KCND3: variants seen among roughly 807,000 people sequenced by gnomAD.
KCND3 encodes the protein potassium voltage-gated channel subfamily D member 3.
In KCND3, 9 loss-of-function variants were observed where a neutral mutation model predicts 51.1. The observed-to-expected ratio is 0.18, with a 90% CI of 0.11 to 0.31. KCND3 has a LOEUF of 0.31. KCND3 is among the 10% of genes least tolerant of loss of function. The probability of loss-of-function intolerance (pLI) is 1.00; values close to 1 mark genes in which losing one functional copy is unlikely to be tolerated. For synonymous variants in KCND3, 349 were observed against 368.0 expected (o/e 0.95, Z 0.59); for missense variants, 526 against 903.8 (o/e 0.58, Z 5.36).
chr1:111,786,912 A>C (rs779763029), intron 3 of KCND3, 32 bp downstream of exon 3: 6 of 1,613,082 alleles, frequency 3.7e-6, no homozygotes, highest in Middle Eastern at 1.8e-4. Context: ...CATCCTTTAC[A>C]CTGCCCCCGC....
chr1:111,838,514 G>A (rs61788810), intron 2 of KCND3, among the ~76,000 whole-genome samples: 5,658 of 152,074 alleles, frequency 0.037, 169 homozygotes, highest in Admixed American at 0.072. Context: ...AAAATTAGCC[G>A]GGCATGGTGG....
chr1:111,920,265 C>T (rs1026419335), intron 2 of KCND3, among the ~76,000 whole-genome samples: 1 of 152,234 alleles, frequency 6.6e-6, no homozygotes, highest in Admixed American at 6.5e-5. Context: ...TGGGCGCCAT[C>T]TGCACGTGAG....
chr1:111,843,236 G>T (rs1273314625), intron 2 of KCND3, among the ~76,000 whole-genome samples: 4 of 152,190 alleles, frequency 2.6e-5, no homozygotes, highest in Non-Finnish European at 5.9e-5. Flanking sequence ...GCTCCTGCAA[G>T]GGACACAGCC....
chr1:111,903,627 C>A (rs914195445), intron 2 of KCND3, among the ~76,000 whole-genome samples: 1 of 152,208 alleles, frequency 6.6e-6, no homozygotes, highest in Non-Finnish European at 1.5e-5. Flanking sequence ...GAAGCCCTCA[C>A]CTGGCATTGG....
intron 2 of KCND3, among the ~76,000 whole-genome samples, chr1:111,980,468 A>G (rs1483949112): frequency 1.3e-5 from 2 of 150,998 alleles, no homozygotes; most frequent in Non-Finnish European, 2.9e-5. Context: ...AAAAACCAAC[A>G]CTATTGCCTC....
At chr1:111,924,879 G>C (rs528830270) in intron 2 of KCND3, among the ~76,000 whole-genome samples, 1 of 152,218 alleles carries the variant, frequency 6.6e-6, no homozygotes, top group Non-Finnish European at 1.5e-5. Context: ...TGGGAGGGAA[G>C]CCAGACCCTG....
chr1:111,815,776 G>A (rs925517765), intron 2 of KCND3, among the ~76,000 whole-genome samples: 1 of 151,884 alleles, frequency 6.6e-6, no homozygotes, highest in Non-Finnish European at 1.5e-5. Context: ...CTATTATCTA[G>A]TTGTGGTTTT....
At chr1:111,782,646 T>C (rs924741409) in intron 3 of KCND3, among the ~76,000 whole-genome samples, 12 of 152,232 alleles carry the variant, frequency 7.9e-5, no homozygotes, top group African/African-American at 2.9e-4. Context: ...GTGTCAAGCT[T>C]ATTATAGTCT....
chr1:111,919,260 G>A (rs765187424), intron 2 of KCND3, among the ~76,000 whole-genome samples: 2 of 150,890 alleles, frequency 1.3e-5, no homozygotes, highest in Non-Finnish European at 2.9e-5. Context: ...GATAAATATA[G>A]GTAACGATAG....
intron 2 of KCND3, among the ~76,000 whole-genome samples, chr1:111,946,835 A>G (rs1257713747): frequency 2.0e-5 from 3 of 152,246 alleles, no homozygotes; most frequent in Non-Finnish European, 2.9e-5. Flanking sequence ...TCAACCAGTG[A>G]ATCTGCCAAT....
intron 2 of KCND3, among the ~76,000 whole-genome samples, chr1:111,937,563 C>G (rs1158532897): frequency 6.6e-6 from 1 of 152,208 alleles, no homozygotes; most frequent in African/African-American, 2.4e-5. Flanking sequence ...CACACTGGGG[C>G]TCATGCCTTT....
At chr1:111,910,675 G>A (rs1455909938) in intron 2 of KCND3, 3 of 152,200 alleles carry the variant, frequency 2.0e-5, no homozygotes, top group Admixed American at 6.5e-5. Flanking sequence ...AGCTAACCAG[G>A]ACATTGCCCA....
intron 2 of KCND3, among the ~76,000 whole-genome samples, chr1:111,945,879 T>A (rs1672755403): frequency 6.6e-6 from 1 of 152,104 alleles, no homozygotes; most frequent in African/African-American, 2.4e-5. Context: ...GCTGTATGAG[T>A]GGTGCAAGGA....
intron 2 of KCND3, among the ~76,000 whole-genome samples, chr1:111,951,358 T>G (rs1237185769): frequency 6.6e-6 from 1 of 151,982 alleles, no homozygotes; most frequent in Admixed American, 6.5e-5. Context: ...TGCCCATACC[T>G]CAGTTCTGGC....
chr1:111,806,244 A>G (rs928221522), intron 2 of KCND3, among the ~76,000 whole-genome samples: 1 of 152,232 alleles, frequency 6.6e-6, no homozygotes, highest in Non-Finnish European at 1.5e-5. Context: ...GTGTCTGCAC[A>G]GCCTGGCCTG....
At chr1:111,869,047 C>A (rs1032393696) in intron 2 of KCND3, among the ~76,000 whole-genome samples, 3 of 152,144 alleles carry the variant, frequency 2.0e-5, no homozygotes, top group Non-Finnish European at 2.9e-5. Flanking sequence ...GGCCTGTCCC[C>A]TTAAGCTCCA....
chr1:111,918,566 G>T (rs1474738706), intron 2 of KCND3, among the ~76,000 whole-genome samples: 1 of 152,172 alleles, frequency 6.6e-6, no homozygotes, highest in Non-Finnish European at 1.5e-5. Context: ...TGCTGGGATG[G>T]TGGTAAGTCC....
intron 2 of KCND3, among the ~76,000 whole-genome samples, chr1:111,818,870 C>G (rs1256961520): frequency 6.6e-6 from 1 of 152,194 alleles, no homozygotes; most frequent in East Asian, 1.9e-4. Flanking sequence ...TCCAGAGAGG[C>G]CCTAAACATT....
intron 2 of KCND3, among the ~76,000 whole-genome samples, chr1:111,808,022 G>A (rs72981913): frequency 0.082 from 12,453 of 152,160 alleles, 893 homozygotes; most frequent in African/African-American, 0.18. Context: ...AAAAAGCACA[G>A]CTAAAATTAA....
Sources: allele counts gnomAD v4.1 joint callset (sites outside exome capture counted in the v4.1 genomes callset), GRCh38; gene constraint gnomAD v4.1.1; transcripts MANE v1.5; gene names NCBI Gene and HGNC (gene_info 2026-07-23, HGNC 2026-07-21).